Variants in TMEM132C observed in about 807,000 individuals in gnomAD.
TMEM132C encodes the protein protein phosphatase 1, regulatory subunit 152.
A neutral mutation model predicts 61.4 loss-of-function variants in TMEM132C; 29 were observed. The ratio of observed to expected loss-of-function variants is 0.47; its 90% CI spans 0.35 to 0.64. The LOEUF (loss-of-function observed/expected upper bound fraction) is 0.64. Among genes scored for constraint, TMEM132C ranks in the 30% least tolerant of loss-of-function variants. The pLI, the probability that TMEM132C is intolerant of heterozygous loss-of-function variation, is 0.00. For synonymous variants in TMEM132C, 656 were observed against 633.1 expected, an observed-to-expected ratio of 1.04 and a Z score of -0.54; for missense variants, 1,408 against 1,476.9, an observed-to-expected ratio of 0.95 and a Z score of 0.76.
intron 1 of TMEM132C, among the ~76,000 whole-genome samples, chr12:128,360,725 T>C (rs1873679075): frequency 6.6e-6 from 1 of 152,204 alleles, no homozygotes; most frequent in Non-Finnish European, 1.5e-5. Flanking sequence ...TGAGCAAGGC[T>C]GTTGGAATGA....
intron 2 of TMEM132C, among the ~76,000 whole-genome samples, chr12:128,444,194 G>T (rs1464339437): frequency 6.6e-6 from 1 of 152,112 alleles, no homozygotes; most frequent in Non-Finnish European, 1.5e-5. Context: ...TGCTGGGATT[G>T]CAGGAGGGAG....
At chr12:128,347,652 T>A (rs1049808668) in intron 1 of TMEM132C, among the ~76,000 whole-genome samples, 13 of 152,200 alleles carry the variant, frequency 8.5e-5, no homozygotes, top group African/African-American at 3.1e-4. Context: ...GGTCTTGAAC[T>A]CCCGAGGTCA....
intron 1 of TMEM132C, among the ~76,000 whole-genome samples, chr12:128,388,518 C>A (rs958897135): frequency 6.6e-6 from 1 of 152,248 alleles, no homozygotes; most frequent in African/African-American, 2.4e-5. Context: ...TGTCTGAGGG[C>A]CAGTGAGGCC....
intron 3 of TMEM132C, among the ~76,000 whole-genome samples, chr12:128,589,940 T>C (rs1160685143): frequency 6.6e-6 from 1 of 152,196 alleles, no homozygotes; most frequent in Non-Finnish European, 1.5e-5. Context: ...ATCATCGTTG[T>C]TGTTACGTTT....
chr12:128,348,428 G>A lies in TMEM132C; in HGVS notation c.86-66304G>A, dbSNP rs548567578. On this transcript the variant is annotated intron_variant, in intron 1 of 8. Coordinates refer to ENST00000435159, the MANE Select transcript of TMEM132C (RefSeq NM_001136103.3). ...ATCTAGATGCTTTTCCTTTTCTTTC[G>A]TTACCTAAATGCCCTAACTAGAAAC... is the stretch of plus-strand genomic sequence containing the variant. Among the ~76,000 whole-genome samples, 109 of 152,038 alleles carry A rather than the reference G, an allele frequency of 7.2e-4. No homozygotes were observed. In the Middle Eastern group the frequency reaches 0.017, roughly 24 times the overall value.
intron 3 of TMEM132C, among the ~76,000 whole-genome samples, chr12:128,545,429 G>A (rs567090602): frequency 1.3e-5 from 2 of 152,316 alleles, no homozygotes; most frequent in Admixed American, 6.5e-5. Context: ...GAACACATGA[G>A]TGCGTGTGTC....
At chr12:128,498,504 TATCTCTATTAAAA>T (rs1437393153) in intron 2 of TMEM132C, among the ~76,000 whole-genome samples, 1 of 152,064 alleles carries the variant, frequency 6.6e-6, no homozygotes, top group East Asian at 1.9e-4. Context: ...GGTGAAACCC[TATCTCTATTAAAA>T]ATACAAAATT....
chr12:128,294,107 G>T (rs1871330602), intron 1 of TMEM132C: 1 of 154,712 alleles, frequency 6.5e-6, no homozygotes, highest in Admixed American at 6.5e-5. Flanking sequence ...TGGGGATGAG[G>T]AGGCATCTTG....
At chr12:128,629,891 G>A (rs568952313) in intron 4 of TMEM132C, among the ~76,000 whole-genome samples, 32 of 151,710 alleles carry the variant, frequency 2.1e-4, no homozygotes, top group African/African-American at 7.3e-4. Context: ...ACTTGAACCC[G>A]GGAGGCAGAG....
chr12:128,594,474 G>A (rs1385492843), intron 3 of TMEM132C, among the ~76,000 whole-genome samples: 1 of 151,544 alleles, frequency 6.6e-6, no homozygotes, highest in Non-Finnish European at 1.5e-5. Flanking sequence ...GCAGGTGCTT[G>A]GTGGGTGTTT....
In TMEM132C at chr12:128,696,054, A is replaced by G; in HGVS notation, c.1880A>G (p.Gln627Arg). 6.4e-7 allele frequency: 1 copy of G among 1,551,702 alleles called. No individual in the cohort carries two copies. The highest frequency in any genetic ancestry group is 8.7e-7 in the Non-Finnish European group (1 of 1,146,988). ...GAGGAACCTCACGTGGCCACCCTCC[A>G]GGACAGCCGGGTCCTGGTTGGGCGA... Reference protein sequence around the residue: ...KLEEPHVATLQDSRVLVGREV... With the variant: ...KLEEPHVATLRDSRVLVGREV... Residue 627 changes from glutamine to arginine, a missense_variant, in exon 7 of 9, where the codon CAG (glutamine) becomes CGG (arginine). Physicochemically the swap from Gln to Arg is conservative, Grantham distance 43. Transcript: ENST00000435159.
At chr12:128,522,103 G>A (rs192523244) in intron 2 of TMEM132C, among the ~76,000 whole-genome samples, 6 of 152,290 alleles carry the variant, frequency 3.9e-5, no homozygotes, top group South Asian at 4.1e-4. Flanking sequence ...TTGACACACG[G>A]CCAGAAAACA....
chr12:128,615,518 C>T (rs547011267), intron 3 of TMEM132C, among the ~76,000 whole-genome samples: 6 of 152,258 alleles, frequency 3.9e-5, no homozygotes, highest in Admixed American at 6.5e-5. Context: ...GATCATCAGG[C>T]GTTAGATTTT....
chr12:128,390,548 AC>A (rs1874734394), intron 1 of TMEM132C, among the ~76,000 whole-genome samples: 1 of 152,118 alleles, frequency 6.6e-6, no homozygotes, highest in African/African-American at 2.4e-5. Flanking sequence ...CTCCTGGCTT[AC>A]TATCAGCCGA....
chr12:128,455,828 G>A (rs1011845164), intron 2 of TMEM132C, among the ~76,000 whole-genome samples: 1 of 152,142 alleles, frequency 6.6e-6, no homozygotes, highest in Non-Finnish European at 1.5e-5. Context: ...GGGGGAGCCC[G>A]GGGGTAGATT....
At chr12:128,552,465 ACACT>A (rs1387615872) in intron 3 of TMEM132C, among the ~76,000 whole-genome samples, 1 of 152,228 alleles carries the variant, frequency 6.6e-6, no homozygotes, top group Non-Finnish European at 1.5e-5. Flanking sequence ...AAGAATAAAG[ACACT>A]CACGGGAAGT....
chr12:128,410,443 T>A (rs928971715), intron 1 of TMEM132C, among the ~76,000 whole-genome samples: 5 of 152,118 alleles, frequency 3.3e-5, no homozygotes, highest in Admixed American at 2.6e-4. Context: ...TCACTCTGTC[T>A]CCAGGCTAGA....
chr12:128,705,448 A>T lies in TMEM132C; in HGVS notation c.2480A>T (p.Lys827Met). 1 of 1,551,116 alleles carries T rather than the reference A, an allele frequency of 6.4e-7. No individual in the cohort carries two copies. The highest frequency in any genetic ancestry group is 8.7e-7 in the Non-Finnish European group (1 of 1,146,958). Residue 827 changes from lysine (K) to methionine (M), a missense_variant, in exon 9 of 9, where the codon AAG becomes ATG. Physicochemically the swap from Lys to Met is moderately conservative, Grantham distance 95 (BLOSUM62 -1). Transcript: ENST00000435159. ...IKNHASDRRQ[K>M]GQHHERTGQD... ...AACCACGCCAGCGACCGCCGGCAGA[A>T]GGGCCAGCACCATGAGCGCACAGGC...
At chr12:128,403,101 A>G (rs1283495026) in intron 1 of TMEM132C, among the ~76,000 whole-genome samples, 2 of 152,240 alleles carry the variant, frequency 1.3e-5, no homozygotes, top group Admixed American at 6.5e-5. Flanking sequence ...TGTTCAGAAG[A>G]GGCATTGAAA....
Sources: allele counts gnomAD v4.1 joint callset (sites outside exome capture counted in the v4.1 genomes callset), GRCh38; gene constraint gnomAD v4.1.1; transcripts MANE v1.5; gene names NCBI Gene and HGNC (gene_info 2026-07-23, HGNC 2026-07-21).